The following MCM7 variants were observed in gnomAD, a reference collection of about 807,000 sequenced individuals.
MCM7 encodes the protein DNA replication licensing factor MCM7.
MCM7 carries 95 observed loss-of-function variants against 83.5 expected under a neutral mutation model. The ratio of observed to expected loss-of-function variants is 1.14; its 90% CI spans 0.96 to 1.35. The LOEUF (loss-of-function observed/expected upper bound fraction) is 1.35. MCM7 is among the 40% of genes most tolerant of loss of function. MCM7 has a pLI of 0.00. For synonymous variants in MCM7, 461 were observed against 352.7 expected (o/e 1.31, Z -3.44); for missense variants, 1,087 against 957.4 (o/e 1.14, Z -1.79).
Position 100,097,751 on chromosome 7 carries a change from G to C in MCM7, c.986-6C>G. 1 of 1,614,146 alleles carries C rather than the reference G, an allele frequency of 6.2e-7. No homozygotes were observed. The highest frequency in any genetic ancestry group is 1.1e-5 in the South Asian group (1 of 91,082). Reference sequence around the variant, plus strand: ...CTTTTCGTAGAAATCCTCCTCTGTAGAGAAGTTAAGGTTGTTTTATTTTCT... The same window carrying C: ...CTTTTCGTAGAAATCCTCCTCTGTACAGAAGTTAAGGTTGTTTTATTTTCT... On this transcript the variant is annotated splice_region_variant and splice_polypyrimidine_tract_variant and intron_variant, in intron 8 of 14. Transcript: ENST00000303887.
chr7:100,098,844 C>G, intron 5 of MCM7, 129 bp from the exon 6 acceptor site: 1 of 1,402,152 alleles, frequency 7.1e-7, no homozygotes, highest in East Asian at 2.3e-5. Flanking sequence ...TGAACTTACT[C>G]TGGGTCAACA....
chr7:100,098,447 G>A (rs942400004), intron 6 of MCM7, 131 bp downstream of exon 6: 8 of 1,505,904 alleles, frequency 5.3e-6, no homozygotes, highest in East Asian at 2.3e-5. Flanking sequence ...AGGCTCCCAG[G>A]AAATTCTAGT....
In MCM7 at chr7:100,098,152, G is replaced by A. The variant is rs377419864; in HGVS notation, c.859C>T (p.Gln287Ter). 1.2e-6 allele frequency: 2 copies of A among 1,613,992 alleles called. No individual in the cohort carries two copies. The highest frequency in any genetic ancestry group is 2.7e-5 in the African/African-American group (2 of 74,914). The change falls in exon 7 of 15, where the codon CAG becomes TAG. Residue 287 changes from glutamine (Q) to a stop codon, truncating the protein, a stop_gained. Coordinates refer to ENST00000303887, the MANE Select transcript of MCM7 (RefSeq NM_005916.5). LOFTEE classifies it high-confidence loss of function. ...FLPILRTGFR[Q>*]VVQGLLSETY... The stretch of plus-strand genomic sequence containing the variant: ...AAACTCTTCCTTACCTGTACCACCT[G>A]TCGGAACCCAGTGCGCAGGATTGGC...
rs1250277717 is a variant in MCM7 at position 100,095,657 on chromosome 7, G to GC, written c.1595+116dup. ...TGAGAACCATGGACCAGCCCCTGCTGCAAAGGGGAGGCTCTGGGGTTTCCA... is the reference window on the plus strand; with the variant it reads ...TGAGAACCATGGACCAGCCCCTGCTGCCAAAGGGGAGGCTCTGGGGTTTCCA... On this transcript the variant is annotated intron_variant, in intron 11 of 14. Transcript: ENST00000303887. 3.6e-6 allele frequency: 5 copies of GC among 1,402,942 alleles called. No homozygotes were observed. The African/African-American group carries it at 7.2e-5, about 20-fold the overall frequency. 86.9% of individuals were successfully genotyped at this position (1,402,942 alleles called of 1,614,324 possible). A position where few individuals can be genotyped will look rare whatever the true frequency, so the allele number is the denominator to read the frequency against.
chr7:100,097,880 C>G lies in MCM7; in HGVS notation c.939G>C (p.Glu313Asp), dbSNP rs1584492634. Residue 313 changes from glutamate to aspartate, a missense_variant, in exon 8 of 15, where the codon GAG (glutamate) becomes GAC (aspartate). By Grantham distance (45) the Glu-to-Asp change is conservative (BLOSUM62 2). Coordinates refer to ENST00000303887, the MANE Select transcript of MCM7 (RefSeq NM_005916.5). ...IVKMNKSEDD[E>D]SGAGELTREE... ...CCCTGGTGAGCTCTCCAGCCCCAGACTCATCATCCTCACTCTTGTTCATCT... is the reference window on the plus strand; with the variant it reads ...CCCTGGTGAGCTCTCCAGCCCCAGAGTCATCATCCTCACTCTTGTTCATCT... 1.2e-6 allele frequency: 2 copies of G among 1,614,194 alleles called. No individual in the cohort carries two copies. Among genetic ancestry groups the G allele is most frequent in the Non-Finnish European group, 1.7e-6 (2 of 1,180,036 alleles).
Position 100,097,903 on chromosome 7 carries a change from T to C in MCM7, c.916A>G (p.Met306Val), listed in dbSNP as rs1795727968. The change falls in exon 8 of 15, where the codon ATG becomes GTG. Residue 306 changes from methionine (M) to valine (V), a missense_variant. Coordinates refer to ENST00000303887, the MANE Select transcript of MCM7 (RefSeq NM_005916.5). ...GACTCATCATCCTCACTCTTGTTCA[T>C]CTTCACAATCCGATGGGCTTCCAGG... is the stretch of plus-strand genomic sequence containing the variant. ...TYLEAHRIVK[M>V]NKSEDDESGA... 1.9e-6 allele frequency: 3 copies of C among 1,614,084 alleles called. No homozygotes were observed. Among genetic ancestry groups the C allele is most frequent in the African/African-American group, 1.3e-5 (1 of 74,926 alleles).
At chr7:100,093,719 G>A in intron 13 of MCM7, 1 of 649,458 alleles carries the variant, frequency 1.5e-6, no homozygotes, top group Non-Finnish European at 3.0e-6. Flanking sequence ...CATGACAGAT[G>A]GAGCTTGGGG....
rs760244695 is a variant in MCM7 at position 100,099,604 on chromosome 7, C to T, written c.261G>A (p.Gln87=). The part of the protein sequence containing the change: ...FADAVQELLP[Q]YKEREVVNKD... ...AACCACTCACTTCCCTCTCCTTGTA[C>T]TGAGGCAGCAGCTCTTGTACGGCAT... Residue 87 remains glutamine (Q), a synonymous_variant, in exon 3 of 15, where the codon CAG becomes CAA. Transcript: ENST00000303887. The T allele has an allele frequency of 1.2e-6, 2 of 1,614,000 alleles. No homozygotes were observed. The highest frequency in any genetic ancestry group is 1.7e-6 in the Non-Finnish European group (2 of 1,180,028).
At chr7:100,100,829 C>A in intron 1 of MCM7, 1 of 1,005,034 alleles carries the variant, frequency 9.9e-7, no homozygotes, top group South Asian at 4.2e-5. Context: ...ACGGCCAATC[C>A]CGGCGCGCAG....
In MCM7 at chr7:100,097,374, G is replaced by A. The variant is rs766979708; in HGVS notation, c.1128C>T (p.Asn376=). The A allele has an allele frequency of 5.0e-6, 8 of 1,614,050 alleles. No homozygotes were observed. The African/African-American group carries it at 8.0e-5, about 16-fold the overall frequency. The change falls in exon 10 of 15, where the codon AAC becomes AAT. Residue 376 remains asparagine, a synonymous_variant. Transcript: ENST00000303887. ...CACCAGGATCCCCCATCAGACAGAT[G>A]TTGATGTTGCCTGGAGGAAGGGAAG... ...PRGMKIRGNI[N]ICLMGDPGVA... is the part of the protein sequence containing the mutation.
chr7:100,097,703 T>G lies in MCM7; in HGVS notation c.1028A>C (p.Glu343Ala). The G allele has an allele frequency of 5.0e-6, 8 of 1,614,216 alleles. No homozygotes were observed. Among genetic ancestry groups the G allele is most frequent in the East Asian group, 2.2e-5 (1 of 44,888 alleles). Residue 343 changes from glutamate (E) to alanine (A), a missense_variant, in exon 9 of 15, where the codon GAA becomes GCA. By Grantham distance (107) the Glu-to-Ala change is moderately radical. Transcript: ENST00000303887. The part of the protein sequence containing the change: ...YEKLAASIAP[E>A]IYGHEDVKKA... Reference sequence around the variant, plus strand: ...CTTCACATCTTCATGCCCGTATATTTCTGGGGCGATTGAAGCTGCCAGCTT... The same window carrying G: ...CTTCACATCTTCATGCCCGTATATTGCTGGGGCGATTGAAGCTGCCAGCTT...
In MCM7 at chr7:100,099,735, C is replaced by A. The variant is rs768405688; in HGVS notation, c.130G>T (p.Glu44Ter). Residue 44 changes from glutamate (E) to a stop codon, truncating the protein, a stop_gained, in exon 3 of 15, where the codon GAA (glutamate) becomes TAA (stop). Coordinates refer to ENST00000303887, the MANE Select transcript of MCM7 (RefSeq NM_005916.5). LOFTEE classifies it high-confidence loss of function. ...AGGTCCACATACAGAGCCACCTGTTCCCGATGAGCCAGCCGAACCTCAAGT... is the reference window on the plus strand; with the variant it reads ...AGGTCCACATACAGAGCCACCTGTTACCGATGAGCCAGCCGAACCTCAAGT... ...GNQLVRLAHREQVALYVDLDD... is the reference protein window; with the variant it reads ...GNQLVRLAHR 6.2e-7 allele frequency: 1 copy of A among 1,613,994 alleles called. No homozygotes were observed. Among genetic ancestry groups the A allele is most frequent in the South Asian group, 1.1e-5 (1 of 91,062 alleles).
At chr7:100,100,295 C>T in intron 1 of MCM7, 1 of 1,319,668 alleles carries the variant, frequency 7.6e-7, no homozygotes, top group Non-Finnish European at 9.7e-7. Context: ...TGGCAGTGCA[C>T]AGGGCCATCC....
At chr7:100,097,971 T>C in intron 7 of MCM7, 23 bp from the exon 8 acceptor site, 2 of 1,607,270 alleles carry the variant, frequency 1.2e-6, no homozygotes, top group Non-Finnish European at 1.7e-6. Context: ...AATGCCAGGA[T>C]ACAGATGTAA....
chr7:100,095,555 A>G lies in MCM7; in HGVS notation c.1596-85T>C. 5 of 1,397,688 alleles carry G rather than the reference A, an allele frequency of 3.6e-6. No individual in the cohort carries two copies. In the East Asian group the frequency reaches 1.2e-4, roughly 33 times the overall value. 86.6% of individuals were successfully genotyped at this position (1,397,688 alleles called of 1,614,324 possible). ...TAGGTGTCCCTCCTTTGGCTCTGCCACTTCCTCACAGTGTAGGAGGGACAA... is the reference window on the plus strand; with the variant it reads ...TAGGTGTCCCTCCTTTGGCTCTGCCGCTTCCTCACAGTGTAGGAGGGACAA... On this transcript the variant is annotated intron_variant, in intron 11 of 14. Coordinates refer to ENST00000303887, the MANE Select transcript of MCM7 (RefSeq NM_005916.5).
Position 100,097,851 on chromosome 7 carries a change from T to A in MCM7, c.968A>T (p.Glu323Val), listed in dbSNP as rs1198657506. The change falls in exon 8 of 15, where the codon GAG becomes GTG. Residue 323 changes from glutamate (E) to valine (V), a missense_variant. Glu to Val is a moderately radical substitution (Grantham distance 121, BLOSUM62 -2). Coordinates refer to ENST00000303887, the MANE Select transcript of MCM7 (RefSeq NM_005916.5). ...ESGAGELTREELRQIAEEDFY... is the reference protein window; with the variant it reads ...ESGAGELTREVLRQIAEEDFY... ...CCCCTCACCTGCAATTTGCCTCAGCTCCTCCCTGGTGAGCTCTCCAGCCCC... is the reference window on the plus strand; with the variant it reads ...CCCCTCACCTGCAATTTGCCTCAGCACCTCCCTGGTGAGCTCTCCAGCCCC... The A allele has an allele frequency of 1.1e-5, 18 of 1,613,988 alleles. No individual in the cohort carries two copies. Among genetic ancestry groups the A allele is most frequent in the Non-Finnish European group, 1.4e-5 (17 of 1,180,012 alleles).
intron 10 of MCM7, among the ~76,000 whole-genome samples, chr7:100,096,748 C>T (rs1304588029): frequency 6.6e-6 from 1 of 151,772 alleles, no homozygotes; most frequent in South Asian, 2.1e-4. Flanking sequence ...GCACTCCAGT[C>T]TGGGTGACTG....
rs370572012 is a variant in MCM7, at chr7:100,092,955, G to A, written c.2137C>T (p.Arg713Trp). 25 of 1,614,086 alleles carry A rather than the reference G, an allele frequency of 1.5e-5. No homozygotes were observed. The highest frequency in any genetic ancestry group is 3.3e-4 in the Middle Eastern group (2 of 6,084). The change falls in exon 15 of 15, where the codon CGG (arginine) becomes TGG (tryptophan). Residue 713 changes from arginine to tryptophan, a missense_variant. Physicochemically the swap from Arg to Trp is moderately radical, Grantham distance 101 (BLOSUM62 -3). Transcript: ENST00000303887. ...AATCAGACAAAAGTGATCCGTGTCC[G>A]GGAAGCATTGACCTGCCAGACATTG... ...ELNVWQVNAS[R>W]TRITFV
Position 100,099,295 on chromosome 7 carries a change from C to G in MCM7, c.385G>C (p.Glu129Gln), listed in dbSNP as rs181666859. 486 of 1,614,104 alleles carry G rather than the reference C, an allele frequency of 3.0e-4. 1 individual carries two copies. The highest frequency in any genetic ancestry group is 9.9e-4 in the Middle Eastern group (6 of 6,062). The change falls in exon 4 of 15, where the codon GAA becomes CAA. Residue 129 changes from glutamate (E) to glutamine (Q), a missense_variant. Glu to Gln is a conservative substitution (Grantham distance 29). Transcript: ENST00000303887. ...ACCACTCACAATCTGCGCATGAGTT[C>G]AGCAGGGTACTGGTTCTGGGGGCTT... ...VRSPQNQYPA[E>Q]LMRRFELYFQ...
Sources: allele counts gnomAD v4.1 joint callset (sites outside exome capture counted in the v4.1 genomes callset), GRCh38; gene constraint gnomAD v4.1.1; transcripts MANE v1.5; gene names NCBI Gene and HGNC (gene_info 2026-07-23, HGNC 2026-07-21).